The following C12orf56 variants were observed in gnomAD, a reference collection of about 807,000 sequenced individuals.
The protein encoded by C12orf56 is chromosome 12 open reading frame 56.
A neutral mutation model predicts 69.9 loss-of-function variants in C12orf56; 71 were observed. That is an observed-to-expected ratio of 1.02 (90% CI 0.84 to 1.24). The LOEUF is 1.24. C12orf56 is among the 50% of genes most tolerant of loss of function. C12orf56 has a pLI of 0.00. For missense variants in C12orf56, 732 were observed against 738.5 expected, an observed-to-expected ratio of 0.99 and a Z score of 0.10; for synonymous variants, 276 against 274.1, an observed-to-expected ratio of 1.01 and a Z score of -0.07.
chr12:64,360,253 C>T (rs550145765), intron 1 of C12orf56, among the ~76,000 whole-genome samples: 5 of 151,770 alleles, frequency 3.3e-5, no homozygotes, highest in Non-Finnish European at 7.4e-5. Context: ...GGCGAAACCC[C>T]GTCTCTACTA....
At chr12:64,281,516 G>A (rs982746855) in intron 8 of C12orf56, among the ~76,000 whole-genome samples, 15 of 151,190 alleles carry the variant, frequency 9.9e-5, no homozygotes, top group Admixed American at 7.9e-4. Flanking sequence ...AGGTTGCAGT[G>A]AGCCGAGATC....
At position 64,367,121 on chromosome 12, in the gene C12orf56, C is replaced by T. The variant is rs192196389; in HGVS notation, c.253-14065G>A. ...CTTTATATATTATATATAACATACACTTTATATATTATATATAACATACAC... is the reference window on the plus strand; with the variant it reads ...CTTTATATATTATATATAACATACATTTTATATATTATATATAACATACAC... On this transcript the variant is annotated intron_variant, in intron 1 of 12. Transcript: ENST00000543942. Among the ~76,000 whole-genome samples the T allele has an allele frequency of 1.3e-4, 2 of 15,818 alleles. 1 individual carries two copies. Among genetic ancestry groups the T allele is most frequent in the Non-Finnish European group, 2.9e-4 (2 of 6,864 alleles). 10.4% of individuals were successfully genotyped at this position (15,818 alleles called of 152,430 possible).
chr12:64,328,722 T>TAG (rs1291342313), intron 3 of C12orf56, among the ~76,000 whole-genome samples: 4 of 32,730 alleles, frequency 1.2e-4, no homozygotes, highest in Non-Finnish European at 2.3e-4. Context: ...TATATATATA[T>TAG]ATATATATAT....
intron 3 of C12orf56, among the ~76,000 whole-genome samples, chr12:64,319,776 A>G (rs921235349): frequency 2.0e-5 from 3 of 152,246 alleles, no homozygotes; most frequent in Non-Finnish European, 4.4e-5. Context: ...CCAGTCATCT[A>G]TCGCCTGAGA....
chr12:64,380,104 C>CAAAAAAAA (rs60079906), intron 1 of C12orf56, among the ~76,000 whole-genome samples: 64 of 49,968 alleles, frequency 1.3e-3, no homozygotes, highest in African/African-American at 2.6e-3. Flanking sequence ...GACTCCGTCG[C>CAAAAAAAA]AAAAAAAAAA....
chr12:64,284,136 GA>G (rs1046011123), intron 8 of C12orf56, among the ~76,000 whole-genome samples: 71 of 152,212 alleles, frequency 4.7e-4, no homozygotes, highest in African/African-American at 1.7e-3. Flanking sequence ...GACCTCAGGT[GA>G]TCCACCCGCC....
chr12:64,303,894 T>TA, intron 5 of C12orf56, 115 bp from the exon 6 acceptor site: 1 of 1,218,226 alleles, frequency 8.2e-7, no homozygotes. Flanking sequence ...GATTTTAATA[T>TA]AGTTTTATTC....
chr12:64,353,833 G>C (rs182779436), intron 1 of C12orf56, among the ~76,000 whole-genome samples: 17 of 152,024 alleles, frequency 1.1e-4, no homozygotes, highest in African/African-American at 4.1e-4. Context: ...AGGCACCTGC[G>C]ATCACGCCCA....
At chr12:64,377,768 CA>C (rs2039660925) in intron 1 of C12orf56, among the ~76,000 whole-genome samples, 2 of 152,130 alleles carry the variant, frequency 1.3e-5, no homozygotes, top group African/African-American at 4.8e-5. Flanking sequence ...GCTCTTACTA[CA>C]AAGGCCAAAA....
At chr12:64,278,437 G>A (rs975565803) in intron 8 of C12orf56, among the ~76,000 whole-genome samples, 1 of 152,000 alleles carries the variant, frequency 6.6e-6, no homozygotes, top group Non-Finnish European at 1.5e-5. Flanking sequence ...ACAGGCTTGA[G>A]CGACCACTTT....
At chr12:64,376,993 G>A (rs1409841264) in intron 1 of C12orf56, among the ~76,000 whole-genome samples, 1 of 151,908 alleles carries the variant, frequency 6.6e-6, no homozygotes, top group Non-Finnish European at 1.5e-5. Context: ...TTGTAAAAGG[G>A]TTCCTTTTTC....
chr12:64,284,750 T>C lies in C12orf56; in HGVS notation c.1224A>G (p.Ala408=), dbSNP rs756830124. 1 of 1,593,320 alleles carries C rather than the reference T, an allele frequency of 6.3e-7. No homozygotes were observed. The highest frequency in any genetic ancestry group is 1.8e-5 in the Admixed American group (1 of 56,022). ...NQSQRVDELV[A]CIEIIQTLVL... is the part of the protein sequence containing the mutation. ...CTAGGGTCTGTATAATTTCAATGCA[T>C]GCCCTAGAAAATAAACGATAAAAGG... is the stretch of plus-strand genomic sequence containing the variant. Residue 408 remains alanine, a synonymous_variant, in exon 8 of 13, where the codon GCA becomes GCG. Coordinates refer to ENST00000543942, the MANE Select transcript of C12orf56 (RefSeq NM_001170633.2).
At chr12:64,374,750 G>T (rs982673159) in intron 1 of C12orf56, among the ~76,000 whole-genome samples, 5 of 151,736 alleles carry the variant, frequency 3.3e-5, no homozygotes, top group Non-Finnish European at 5.9e-5. Flanking sequence ...CACCATGTTG[G>T]CCAGACTAGT....
chr12:64,297,467 G>A (rs1258456306), intron 6 of C12orf56, among the ~76,000 whole-genome samples: 2 of 151,944 alleles, frequency 1.3e-5, no homozygotes, highest in Non-Finnish European at 2.9e-5. Flanking sequence ...ACATGCCATG[G>A]TGGTTTGCTG....
rs34120343 is a variant in C12orf56 at position 64,277,649 on chromosome 12, T to TATAA, written c.1434+30_1434+31insTTAT. ...CAGGGCCCCTATATATATATATATA[T>TATAA]AATAGTTTACCCCCCAAATTCTCAT... On this transcript the variant is annotated intron_variant, in intron 9 of 12. Coordinates refer to ENST00000543942, the MANE Select transcript of C12orf56 (RefSeq NM_001170633.2). 5.0e-5 allele frequency: 70 copies of TATAA among 1,391,076 alleles called. No individual in the cohort carries two copies. The Middle Eastern group carries it at 9.5e-4, about 19-fold the overall frequency. The allele number at this position is 1,391,076 out of a possible 1,614,324, so 86.2% of individuals were successfully genotyped here. A position where few individuals can be genotyped will look rare whatever the true frequency, so the allele number is the denominator to read the frequency against.
chr12:64,336,637 A>G (rs184326853), intron 2 of C12orf56, among the ~76,000 whole-genome samples: 23 of 152,310 alleles, frequency 1.5e-4, no homozygotes, highest in African/African-American at 5.3e-4. Context: ...AACAGTTTCC[A>G]TGCCACAGTG....
rs750804078 is a variant in C12orf56 at position 64,277,796 on chromosome 12, G to A, written c.1318C>T (p.Leu440=). ...ATTAAAATTACCAAGAGATTAAATA[G>A]TGCTCCCCTGGAAAAAAATAAATAA... ...LNTLAAKKGA[L]FNLLVILISE... Residue 440 remains leucine, a synonymous_variant, in exon 9 of 13, where the codon CTA becomes TTA. Coordinates refer to ENST00000543942, the MANE Select transcript of C12orf56 (RefSeq NM_001170633.2). The A allele has an allele frequency of 5.8e-6, 9 of 1,556,418 alleles. No homozygotes were observed. Among genetic ancestry groups the A allele is most frequent in the Non-Finnish European group, 7.8e-6 (9 of 1,150,290 alleles).
At chr12:64,332,621 G>A (rs1046119656) in intron 2 of C12orf56, among the ~76,000 whole-genome samples, 1 of 152,112 alleles carries the variant, frequency 6.6e-6, no homozygotes, top group African/African-American at 2.4e-5. Context: ...TATTTCAAGG[G>A]GGGGCTCTCC....
chr12:64,269,161 T>C (rs2037950680), intron 12 of C12orf56, among the ~76,000 whole-genome samples: 2 of 149,854 alleles, frequency 1.3e-5, no homozygotes, highest in Non-Finnish European at 3.0e-5. Flanking sequence ...AGTCTATAAA[T>C]TGGACTGTAG....
Sources: gnomAD v4.1 joint callset for allele counts (sites outside exome capture counted in the v4.1 genomes callset) on GRCh38, gnomAD v4.1.1 for gene constraint, MANE v1.5 for transcripts, NCBI Gene and HGNC (gene_info 2026-07-23, HGNC 2026-07-21) for gene names.